TENT4A: variants seen among roughly 807,000 people sequenced by gnomAD.
The protein encoded by TENT4A is terminal nucleotidyltransferase 4A, also known as DNA polymerase kappa.
Under a neutral mutation model 72.8 loss-of-function variants are expected in TENT4A, and 7 were observed. That is an observed-to-expected ratio of 0.10 (90% CI 0.05 to 0.18). The LOEUF (loss-of-function observed/expected upper bound fraction) is 0.18. Ranked by LOEUF, TENT4A falls within the 10% of genes least tolerant of loss-of-function variation. The pLI is 1.00. For missense variants in TENT4A, 831 were observed against 1,017.7 expected (o/e 0.82, Z 2.50); for synonymous variants, 456 against 434.3 (o/e 1.05, Z -0.62).
chr5:6,722,546 A>G, intron 1 of TENT4A, among the ~76,000 whole-genome samples: 1 of 96,676 alleles, frequency 1.0e-5, no homozygotes, highest in African/African-American at 5.0e-5. Flanking sequence ...TGCATTTGTT[A>G]GTTTTTTTTT....
chr5:6,739,386 G>C (rs561582047), intron 3 of TENT4A, among the ~76,000 whole-genome samples: 3 of 152,208 alleles, frequency 2.0e-5, no homozygotes, highest in African/African-American at 7.2e-5. Flanking sequence ...GTGATCCAGC[G>C]TAGGCAGTGC....
At chr5:6,721,666 G>A (rs1265847786) in intron 1 of TENT4A, among the ~76,000 whole-genome samples, 3 of 152,222 alleles carry the variant, frequency 2.0e-5, no homozygotes, top group African/African-American at 4.8e-5. Flanking sequence ...GGCCCGGGCG[G>A]GGTGGATCTC....
intron 3 of TENT4A, among the ~76,000 whole-genome samples, chr5:6,739,498 CCTT>C (rs1346176703): frequency 6.6e-6 from 1 of 152,202 alleles, no homozygotes; most frequent in Non-Finnish European, 1.5e-5. Context: ...AATGATTTAA[CCTT>C]CTTGCTTTCC....
Position 6,714,709 on chromosome 5 carries a change from CGGG to C in TENT4A, c.716+12_716+14del. On this transcript the variant is annotated intron_variant, in intron 1 of 12. Coordinates refer to ENST00000230859, the MANE Select transcript of TENT4A (RefSeq NM_006999.6). ...GCCCGGGCATCCAGGGGTGAGTGCG[CGGG>C]GAGGCCGCGGGGGCGGGGGCGGGGC... The C allele has an allele frequency of 9.0e-7, 1 of 1,114,578 alleles. No homozygotes were observed. Among genetic ancestry groups the C allele is most frequent in the Non-Finnish European group, 1.1e-6 (1 of 896,502 alleles). 69.0% of individuals were successfully genotyped at this position (1,114,578 alleles called of 1,614,324 possible).
At chr5:6,745,655 G>A (rs1489158419) in intron 6 of TENT4A, among the ~76,000 whole-genome samples, 1 of 152,208 alleles carries the variant, frequency 6.6e-6, no homozygotes, top group Non-Finnish European at 1.5e-5. Flanking sequence ...TTTTGAAGAC[G>A]ATATGGCACT....
intron 1 of TENT4A, among the ~76,000 whole-genome samples, chr5:6,733,307 C>A (rs1265932387): frequency 6.6e-6 from 1 of 152,242 alleles, no homozygotes; most frequent in Non-Finnish European, 1.5e-5. Flanking sequence ...TCTTGGCTGG[C>A]ACTGCTTCCC....
chr5:6,751,292 T>C (rs1742389591), intron 11 of TENT4A, 95 bp downstream of exon 11: 3 of 1,324,164 alleles, frequency 2.3e-6, no homozygotes, highest in African/African-American at 2.9e-5. Flanking sequence ...TCCTTTGAAT[T>C]AGAAGAGTAA....
At chr5:6,739,659 G>A in intron 3 of TENT4A, 73 bp from the exon 4 acceptor site, 1 of 1,577,826 alleles carries the variant, frequency 6.3e-7, no homozygotes, top group South Asian at 1.2e-5. Flanking sequence ...GTGCCTTGGT[G>A]CTTATCCTCC....
intron 1 of TENT4A, among the ~76,000 whole-genome samples, chr5:6,725,736 C>T (rs1321571102): frequency 6.6e-6 from 1 of 152,190 alleles, no homozygotes; most frequent in African/African-American, 2.4e-5. Context: ...CACCCAGAAG[C>T]ACAAGCAGGT....
In TENT4A at chr5:6,713,926, G is replaced by GGGGGCGGGGCCGCGTC. The variant is rs1740224251; in HGVS notation, c.-49_-34dup. On this transcript the variant is annotated 5_prime_UTR_variant, in exon 1 of 13. Coordinates refer to ENST00000230859, the MANE Select transcript of TENT4A (RefSeq NM_006999.6). ...GCGCGGCCGGGCCTCGGGGCGCGGC[G>GGGGGCGGGGCCGCGTC]GGGGCGGGGCCGCGTCGGGGCGGGC... 1 of 737,678 alleles carries GGGGGCGGGGCCGCGTC rather than the reference G, an allele frequency of 1.4e-6. No homozygotes were observed. Among genetic ancestry groups the GGGGGCGGGGCCGCGTC allele is most frequent in the Non-Finnish European group, 1.6e-6 (1 of 607,014 alleles). The allele number at this position is 737,678 out of a possible 1,614,324, so 45.7% of individuals were successfully genotyped here.
intron 1 of TENT4A, among the ~76,000 whole-genome samples, chr5:6,729,038 T>C (rs182476399): frequency 6.6e-6 from 1 of 152,362 alleles, no homozygotes; most frequent in East Asian, 1.9e-4. Flanking sequence ...TAAAATATTG[T>C]ATAGATAGAT....
At chr5:6,728,207 T>G (rs1409241295) in intron 1 of TENT4A, among the ~76,000 whole-genome samples, 1 of 152,158 alleles carries the variant, frequency 6.6e-6, no homozygotes, top group Non-Finnish European at 1.5e-5. Flanking sequence ...TGACGGCGGT[T>G]TCATCAGACT....
At chr5:6,732,351 C>T (rs556623649) in intron 1 of TENT4A, among the ~76,000 whole-genome samples, 1 of 152,340 alleles carries the variant, frequency 6.6e-6, no homozygotes, top group South Asian at 2.1e-4. Flanking sequence ...AATGGGTCAC[C>T]TGTTGTCATC....
At chr5:6,753,522 C>T (rs557211183) in intron 12 of TENT4A, among the ~76,000 whole-genome samples, 23 of 152,328 alleles carry the variant, frequency 1.5e-4, no homozygotes, top group Admixed American at 9.1e-4. Flanking sequence ...CCCTGGCATG[C>T]GTGCCCTTGT....
chr5:6,737,359 A>G (rs1741560699), intron 1 of TENT4A, among the ~76,000 whole-genome samples, 151 bp from the exon 2 acceptor site: 1 of 152,268 alleles, frequency 6.6e-6, no homozygotes, highest in Non-Finnish European at 1.5e-5. Context: ...TTTGTTGAGC[A>G]CAGAGTTTTC....
At chr5:6,717,528 C>T (rs375281069) in intron 1 of TENT4A, among the ~76,000 whole-genome samples, 1 of 152,238 alleles carries the variant, frequency 6.6e-6, no homozygotes, top group Non-Finnish European at 1.5e-5. Context: ...AGTCTGCCTT[C>T]TGCTTCAAGT....
rs1181064770 is a variant in TENT4A, at chr5:6,728,433, G to GCACTTGGGAGAACGCCTTCCT, written c.717-9073_717-9053dup. 9.8e-5 allele frequency among the ~76,000 whole-genome samples: 15 copies of GCACTTGGGAGAACGCCTTCCT among 152,352 alleles called. No individual in the cohort carries two copies. The East Asian group carries it at 2.7e-3, about 27-fold the overall frequency. ...GGTTGGCCTTACTGGTGTGGTTGGG[G>GCACTTGGGAGAACGCCTTCCT]CACTTGGGAGAACGCCTTCCTCACA... On this transcript the variant is annotated intron_variant, in intron 1 of 12. Transcript: ENST00000230859.
intron 4 of TENT4A, among the ~76,000 whole-genome samples, chr5:6,742,054 C>T (rs28381373): frequency 0.043 from 6,546 of 152,168 alleles, 203 homozygotes; most frequent in Non-Finnish European, 0.07. Context: ...AGTGAAAACC[C>T]AAAGTAGAGA....
chr5:6,714,433 C>T lies in TENT4A; in HGVS notation c.450C>T (p.Phe150=). The T allele has an allele frequency of 8.6e-7, 1 of 1,166,772 alleles. No homozygotes were observed. The highest frequency in any genetic ancestry group is 1.6e-5 in the African/African-American group (1 of 61,726). 72.3% of individuals were successfully genotyped at this position (1,166,772 alleles called of 1,614,324 possible). A position where few individuals can be genotyped will look rare whatever the true frequency, so the allele number is the denominator to read the frequency against. ...GCGGCGGCCGCGGCGGCGCCTTCTTCAACTTCGCCGACGGCGCGCCCAGCG... is the reference window on the plus strand; with the variant it reads ...GCGGCGGCCGCGGCGGCGCCTTCTTTAACTTCGCCGACGGCGCGCCCAGCG... ...RPGGGRGGAF[F]NFADGAPSAP... is the part of the protein sequence containing the mutation. Residue 150 remains phenylalanine, a synonymous_variant, in exon 1 of 13, where the codon TTC becomes TTT. Transcript: ENST00000230859.
Sources: gnomAD v4.1 joint callset for allele counts (sites outside exome capture counted in the v4.1 genomes callset) on GRCh38, gnomAD v4.1.1 for gene constraint, MANE v1.5 for transcripts, NCBI Gene and HGNC (gene_info 2026-07-23, HGNC 2026-07-21) for gene names.